Variants in JAKMIP2 observed in about 807,000 individuals in gnomAD.
JAKMIP2 encodes the protein janus kinase and microtubule interacting protein 2, also known as janus kinase and microtubule-interacting protein 2.
JAKMIP2 carries 25 observed loss-of-function variants against 115.0 expected under a neutral mutation model. The ratio of observed to expected loss-of-function variants is 0.22; its 90% CI spans 0.16 to 0.30. The LOEUF is 0.30. JAKMIP2 is among the 10% of genes least tolerant of loss of function. The pLI, the probability that JAKMIP2 is intolerant of heterozygous loss-of-function variation, is 1.00. For missense variants in JAKMIP2, 642 were observed against 957.6 expected (o/e 0.67, Z 4.35); for synonymous variants, 334 against 343.6 (o/e 0.97, Z 0.31).
intron 16 of JAKMIP2, 51 bp from the exon 17 acceptor site, chr5:147,623,740 T>A (rs757685404): frequency 1.1e-5 from 13 of 1,160,650 alleles, no homozygotes; most frequent in Non-Finnish European, 1.4e-5. Context: ...TGATATGGTG[T>A]ATATCTGTGT....
intron 3 of JAKMIP2, among the ~76,000 whole-genome samples, chr5:147,659,477 C>A (rs80133021): frequency 6.6e-6 from 1 of 152,172 alleles, no homozygotes; most frequent in Non-Finnish European, 1.5e-5. Flanking sequence ...TGTTTCCATT[C>A]GGCCATCTTG....
intron 3 of JAKMIP2, among the ~76,000 whole-genome samples, chr5:147,657,294 A>AAAAC (rs984630049): frequency 6.6e-6 from 1 of 152,100 alleles, no homozygotes; most frequent in African/African-American, 2.4e-5. Flanking sequence ...AAAACAAAAC[A>AAAAC]AAACAAACAA....
chr5:147,748,390 G>C (rs970833901), intron 1 of JAKMIP2, among the ~76,000 whole-genome samples: 1 of 152,048 alleles, frequency 6.6e-6, no homozygotes, highest in South Asian at 2.1e-4. Context: ...CATTATTCCT[G>C]ATACAGGAGG....
At chr5:147,737,183 ACT>A (rs1242461829) in intron 1 of JAKMIP2, among the ~76,000 whole-genome samples, 5 of 152,200 alleles carry the variant, frequency 3.3e-5, no homozygotes, top group Non-Finnish European at 5.9e-5. Context: ...TCTTAATAAA[ACT>A]AACTATACAG....
chr5:147,635,907 G>A (rs941974855), intron 12 of JAKMIP2, among the ~76,000 whole-genome samples: 11 of 151,882 alleles, frequency 7.2e-5, no homozygotes, highest in East Asian at 4.1e-4. Flanking sequence ...GGATGTGCAC[G>A]TGTGTGTGTG....
At chr5:147,751,321 A>G (rs1343651682) in intron 1 of JAKMIP2, among the ~76,000 whole-genome samples, 2 of 140,552 alleles carry the variant, frequency 1.4e-5, no homozygotes. Flanking sequence ...GATGGTCTCC[A>G]TCTCCTGACC....
At chr5:147,601,562 C>T (rs1184246278) in intron 21 of JAKMIP2, among the ~76,000 whole-genome samples, 179 bp downstream of exon 21, 1 of 152,022 alleles carries the variant, frequency 6.6e-6, no homozygotes, top group Non-Finnish European at 1.5e-5. Context: ...CTGATTGTGC[C>T]ACTGTATTCC....
chr5:147,702,773 C>T (rs1350068170), intron 1 of JAKMIP2, among the ~76,000 whole-genome samples: 5 of 151,988 alleles, frequency 3.3e-5, no homozygotes, highest in African/African-American at 4.8e-5. Flanking sequence ...ATGATCCAAA[C>T]ATGGTTGAGT....
chr5:147,605,475 C>T (rs1755957941), intron 20 of JAKMIP2, among the ~76,000 whole-genome samples: 1 of 152,120 alleles, frequency 6.6e-6, no homozygotes, highest in African/African-American at 2.4e-5. Flanking sequence ...TCCCAAAGTG[C>T]TGGGATTACA....
chr5:147,627,678 TAAAAAAAA>T (rs768481105), intron 16 of JAKMIP2, among the ~76,000 whole-genome samples: 8 of 70,326 alleles, frequency 1.1e-4, no homozygotes, highest in South Asian at 8.7e-4. Context: ...AGCCTTTCTG[TAAAAAAAA>T]AAAAAAAAAA....
intron 1 of JAKMIP2, among the ~76,000 whole-genome samples, chr5:147,773,548 C>T (rs1187580221): frequency 6.6e-6 from 1 of 152,068 alleles, no homozygotes; most frequent in Non-Finnish European, 1.5e-5. Flanking sequence ...TTTCAGGGGC[C>T]TCGACTAAAC....
chr5:147,637,456 T>TTTTTTTTTTTTTTG (rs1757677545), intron 10 of JAKMIP2, among the ~76,000 whole-genome samples: 1 of 147,748 alleles, frequency 6.8e-6, no homozygotes, highest in South Asian at 2.2e-4. Context: ...TTTTTTTTTT[T>TTTTTTTTTTTTTTG]TGAGACAGAG....
At chr5:147,667,032 A>G (rs758026512) in intron 2 of JAKMIP2, among the ~76,000 whole-genome samples, 1 of 152,176 alleles carries the variant, frequency 6.6e-6, no homozygotes, top group Non-Finnish European at 1.5e-5. Context: ...CATTATTAAG[A>G]TGGTAACTGT....
intron 1 of JAKMIP2, among the ~76,000 whole-genome samples, chr5:147,712,525 A>G (rs1752820961): frequency 6.6e-6 from 1 of 152,234 alleles, no homozygotes; most frequent in African/African-American, 2.4e-5. Context: ...AATAGGAGCA[A>G]ATAGGCCAGG....
intron 1 of JAKMIP2, among the ~76,000 whole-genome samples, chr5:147,709,438 G>A (rs1009522347): frequency 1.3e-5 from 2 of 151,884 alleles, no homozygotes; most frequent in African/African-American, 2.4e-5. Flanking sequence ...ATATAAATAT[G>A]CACACGTATA....
chr5:147,695,669 T>A (rs1234686342), intron 1 of JAKMIP2, among the ~76,000 whole-genome samples: 2 of 144,168 alleles, frequency 1.4e-5, no homozygotes, highest in Non-Finnish European at 3.0e-5. Flanking sequence ...TGTGTGTGTG[T>A]GTGTGTGTGA....
chr5:147,596,052 C>T (rs1755372079), intron 21 of JAKMIP2, among the ~76,000 whole-genome samples: 1 of 152,142 alleles, frequency 6.6e-6, no homozygotes, highest in African/African-American at 2.4e-5. Flanking sequence ...GCATTCTGTG[C>T]ACCAAGTCAG....
chr5:147,613,357 A>G (rs1466918783), intron 19 of JAKMIP2, among the ~76,000 whole-genome samples: 1 of 152,180 alleles, frequency 6.6e-6, no homozygotes, highest in African/African-American at 2.4e-5. Context: ...TAATATAGAA[A>G]GAGAGGTTTT....
chr5:147,733,073 ACT>A (rs1460599212), intron 1 of JAKMIP2, among the ~76,000 whole-genome samples: 2 of 152,132 alleles, frequency 1.3e-5, no homozygotes, highest in Non-Finnish European at 2.9e-5. Context: ...AATCCATTAA[ACT>A]CTGAAATTCT....
Sources: gnomAD v4.1 joint callset for allele counts (sites outside exome capture counted in the v4.1 genomes callset) on GRCh38, gnomAD v4.1.1 for gene constraint, MANE v1.5 for transcripts, NCBI Gene and HGNC (gene_info 2026-07-23, HGNC 2026-07-21) for gene names.